Variants in CSMD1 observed in about 807,000 individuals in gnomAD.
The protein encoded by CSMD1 is CUB and sushi domain-containing protein 1.
In CSMD1, 213 loss-of-function variants were observed where a neutral mutation model predicts 417.5. That is an observed-to-expected ratio of 0.51 (90% confidence interval 0.46 to 0.57). The LOEUF is 0.57. CSMD1 is among the 20% of genes least tolerant of loss of function. CSMD1 has a pLI of 0.00. For synonymous variants in CSMD1, 2,862 were observed against 1,736.8 expected, an observed-to-expected ratio of 1.65 and a Z score of -16.11; for missense variants, 6,923 against 4,529.7, an observed-to-expected ratio of 1.53 and a Z score of -15.17.
intron 3 of CSMD1, among the ~76,000 whole-genome samples, chr8:4,251,571 T>G (rs895250413): frequency 6.6e-6 from 1 of 152,182 alleles, no homozygotes; most frequent in South Asian, 2.1e-4. Context: ...ATCCCACAGG[T>G]GACTCTATCC....
intron 5 of CSMD1, among the ~76,000 whole-genome samples, chr8:3,928,589 C>G (rs1348375110): frequency 7.2e-6 from 1 of 138,000 alleles, no homozygotes; most frequent in South Asian, 2.4e-4. Context: ...GTTCCATCCA[C>G]CAATATAATA....
intron 3 of CSMD1, among the ~76,000 whole-genome samples, chr8:4,118,550 C>G (rs1324603863): frequency 6.6e-6 from 1 of 152,182 alleles, no homozygotes; most frequent in African/African-American, 2.4e-5. Flanking sequence ...GATACCATCT[C>G]ACGCCAGTAA....
intron 5 of CSMD1, among the ~76,000 whole-genome samples, chr8:3,889,012 C>A (rs545868741): frequency 6.6e-6 from 1 of 152,070 alleles, no homozygotes; most frequent in African/African-American, 2.4e-5. Context: ...CAAACTCATT[C>A]AATTACCATA....
At chr8:4,277,067 G>C (rs943077623) in intron 3 of CSMD1, among the ~76,000 whole-genome samples, 2 of 152,096 alleles carry the variant, frequency 1.3e-5, no homozygotes, top group Admixed American at 6.5e-5. Context: ...ATTTTACAAT[G>C]TTGTGTGTTT....
intron 3 of CSMD1, among the ~76,000 whole-genome samples, chr8:4,395,700 G>C (rs1804155637): frequency 6.6e-6 from 1 of 152,088 alleles, no homozygotes; most frequent in Admixed American, 6.5e-5. Flanking sequence ...AAACATGTAT[G>C]ATGAAGAGTC....
chr8:3,708,953 A>T (rs1801336592), intron 6 of CSMD1, among the ~76,000 whole-genome samples: 1 of 152,068 alleles, frequency 6.6e-6, no homozygotes, highest in Admixed American at 6.6e-5. Context: ...CAGTTTAGCG[A>T]ATCTGTGTGG....
chr8:4,701,175 G>C (rs753134121), intron 1 of CSMD1, among the ~76,000 whole-genome samples: 12 of 152,186 alleles, frequency 7.9e-5, no homozygotes, highest in East Asian at 1.9e-4. Context: ...AGCTAGGGGA[G>C]AGTCCGTCCG....
intron 1 of CSMD1, among the ~76,000 whole-genome samples, chr8:4,987,456 A>G (rs760073647): frequency 1.3e-5 from 2 of 152,202 alleles, no homozygotes; most frequent in African/African-American, 4.8e-5. Flanking sequence ...ATGGTTTATA[A>G]TTATCTGAAT....
intron 5 of CSMD1, among the ~76,000 whole-genome samples, chr8:3,916,951 C>A (rs138040564): frequency 6.6e-6 from 1 of 152,112 alleles, no homozygotes; most frequent in African/African-American, 2.4e-5. Flanking sequence ...GCTGCTCCTT[C>A]TCCTCCAATT....
At chr8:4,671,559 G>A (rs973237280) in intron 1 of CSMD1, among the ~76,000 whole-genome samples, 1 of 152,272 alleles carries the variant, frequency 6.6e-6, no homozygotes, top group East Asian at 1.9e-4. Context: ...TCCTCTCCAC[G>A]TGAATTCACC....
At chr8:3,598,421 A>T (rs1801195075) in intron 8 of CSMD1, 1 of 152,074 alleles carries the variant, frequency 6.6e-6, no homozygotes, top group Admixed American at 6.5e-5. Flanking sequence ...GCAGGGAAAG[A>T]TTTTCCCTCA....
chr8:4,046,629 A>G (rs1335325079), intron 3 of CSMD1, among the ~76,000 whole-genome samples: 1 of 151,998 alleles, frequency 6.6e-6, no homozygotes, highest in Non-Finnish European at 1.5e-5. Flanking sequence ...TAATTCCATC[A>G]TAACAAACAA....
intron 5 of CSMD1, among the ~76,000 whole-genome samples, chr8:3,834,661 G>T (rs1013184124): frequency 5.9e-5 from 9 of 152,136 alleles, no homozygotes; most frequent in African/African-American, 2.2e-4. Context: ...AAACCTGATG[G>T]TGGTTTAGGG....
chr8:4,255,006 G>A (rs1803355938), intron 3 of CSMD1, among the ~76,000 whole-genome samples: 1 of 152,180 alleles, frequency 6.6e-6, no homozygotes, highest in Admixed American at 6.5e-5. Flanking sequence ...ATCACTCAGA[G>A]TTATTTTCAT....
At chr8:3,189,075 G>A in intron 34 of CSMD1, 64 bp from the exon 35 acceptor site, 4 of 1,475,794 alleles carry the variant, frequency 2.7e-6, no homozygotes, top group South Asian at 1.4e-5. Flanking sequence ...TTGGCATGCA[G>A]TTTTCTTTCA....
intron 3 of CSMD1, among the ~76,000 whole-genome samples, chr8:4,194,143 C>T (rs1309338131): frequency 2.0e-5 from 3 of 152,064 alleles, no homozygotes; most frequent in Non-Finnish European, 4.4e-5. Context: ...ATAAAAATGA[C>T]CAAGAAAACA....
At chr8:4,673,002 A>T (rs1378843859) in intron 1 of CSMD1, among the ~76,000 whole-genome samples, 3 of 152,108 alleles carry the variant, frequency 2.0e-5, no homozygotes, top group African/African-American at 7.2e-5. Context: ...ATATGCATGC[A>T]TACATGGTGA....
At chr8:4,036,576 G>T (rs1389376478) in intron 3 of CSMD1, among the ~76,000 whole-genome samples, 1 of 152,142 alleles carries the variant, frequency 6.6e-6, no homozygotes, top group Non-Finnish European at 1.5e-5. Context: ...ATCAATTTAG[G>T]AAAGGTATTT....
At chr8:4,136,820 G>A (rs1027858910) in intron 3 of CSMD1, among the ~76,000 whole-genome samples, 20 of 152,158 alleles carry the variant, frequency 1.3e-4, no homozygotes, top group African/African-American at 4.8e-4. Flanking sequence ...AAGGGATCCT[G>A]ACATCCAAAT....
Sources: gnomAD v4.1 joint callset for allele counts (sites outside exome capture counted in the v4.1 genomes callset) on GRCh38, gnomAD v4.1.1 for gene constraint, MANE v1.5 for transcripts, NCBI Gene and HGNC (gene_info 2026-07-23, HGNC 2026-07-21) for gene names.